ABCC3: variants seen among roughly 807,000 people sequenced by gnomAD.
The protein encoded by ABCC3 is ATP-binding cassette sub-family C member 3.
ABCC3 carries 121 observed loss-of-function variants against 165.3 expected under a neutral mutation model. The observed-to-expected ratio is 0.73, with a 90% CI of 0.63 to 0.85. ABCC3 has a LOEUF of 0.85. Among genes scored for constraint, ABCC3 ranks in the 40% least tolerant of loss-of-function variants. The probability of loss-of-function intolerance (pLI) is 0.00; values close to 1 mark genes in which losing one functional copy is unlikely to be tolerated. For synonymous variants in ABCC3, 733 were observed against 810.1 expected (o/e 0.90, Z 1.62); for missense variants, 1,869 against 1,964.1 (o/e 0.95, Z 0.92).
At chr17:50,652,381 A>G (rs1161819369) in intron 1 of ABCC3, among the ~76,000 whole-genome samples, 76 of 141,934 alleles carry the variant, frequency 5.4e-4, no homozygotes, top group Non-Finnish European at 8.4e-4. Context: ...TTTGAATAAG[A>G]TTCGTGAAGG....
chr17:50,643,922 G>C (rs893703500), intron 1 of ABCC3, among the ~76,000 whole-genome samples: 2 of 152,124 alleles, frequency 1.3e-5, no homozygotes, highest in Non-Finnish European at 2.9e-5. Context: ...AGGTTTGTGG[G>C]CATGAGGCAA....
chr17:50,687,132 C>T (rs1968035941), intron 29 of ABCC3, among the ~76,000 whole-genome samples: 1 of 152,140 alleles, frequency 6.6e-6, no homozygotes, highest in African/African-American at 2.4e-5. Flanking sequence ...TTAGGCTCAG[C>T]AAGATGGCAT....
At chr17:50,664,914 G>T (rs1208345670) in intron 10 of ABCC3, among the ~76,000 whole-genome samples, 1 of 152,080 alleles carries the variant, frequency 6.6e-6, no homozygotes, top group African/African-American at 2.4e-5. Flanking sequence ...TTGCCTTCCT[G>T]TGTGTCTGGA....
At chr17:50,673,772 C>G in intron 19 of ABCC3, 114 bp downstream of exon 19, 2 of 1,076,776 alleles carry the variant, frequency 1.9e-6, no homozygotes, top group Non-Finnish European at 2.7e-6. Context: ...TTCTGGGAAA[C>G]TTGGGCCATC....
chr17:50,651,314 A>G (rs941400821), intron 1 of ABCC3, among the ~76,000 whole-genome samples: 7 of 152,194 alleles, frequency 4.6e-5, no homozygotes, highest in African/African-American at 1.7e-4. Context: ...GCAAAATTTC[A>G]TTTGTATCCC....
At chr17:50,680,801 A>G (rs533904065) in intron 26 of ABCC3, among the ~76,000 whole-genome samples, 1 of 152,282 alleles carries the variant, frequency 6.6e-6, no homozygotes, top group African/African-American at 2.4e-5. Flanking sequence ...GAGGCGGGGC[A>G]CAGTGACTCA....
chr17:50,635,661 C>G lies in ABCC3; in HGVS notation c.45+680C>G, dbSNP rs2054172911. 2.6e-5 allele frequency: 18 copies of G among 694,462 alleles called. No homozygotes were observed. In the South Asian group the frequency reaches 2.7e-4, roughly 10 times the overall value. 43.0% of individuals were successfully genotyped at this position (694,462 alleles called of 1,614,324 possible). A position where few individuals can be genotyped will look rare whatever the true frequency, so the allele number is the denominator to read the frequency against. On this transcript the variant is annotated intron_variant, in intron 1 of 30. Coordinates refer to ENST00000285238, the MANE Select transcript of ABCC3 (RefSeq NM_003786.4). ...CTTCTCACAGATGGAGAAAGGGAGG[C>G]CCAGAGAGAGGAAGGGACTTGCCCA...
intron 27 of ABCC3, 33 bp from the exon 28 acceptor site, chr17:50,683,916 T>A (rs1297485315): frequency 6.2e-7 from 1 of 1,604,420 alleles, no homozygotes; most frequent in Admixed American, 1.7e-5. Flanking sequence ...CCTCTCAGCT[T>A]CCCCCTCAGA....
intron 8 of ABCC3, among the ~76,000 whole-genome samples, chr17:50,661,855 C>G (rs896476109): frequency 6.6e-6 from 1 of 152,108 alleles, no homozygotes; most frequent in Non-Finnish European, 1.5e-5. Context: ...TGGGATGCAG[C>G]AGGAAGCACC....
At chr17:50,683,545 A>G (rs912454470) in intron 26 of ABCC3, 65 bp from the exon 27 acceptor site, 2 of 1,465,550 alleles carry the variant, frequency 1.4e-6, no homozygotes, top group Non-Finnish European at 1.8e-6. Context: ...TGGGGGAGAG[A>G]GACCGAAAGG....
Position 50,675,783 on chromosome 17 carries a change from G to T in ABCC3, c.2859+8G>T. On this transcript the variant is annotated splice_region_variant and intron_variant, in intron 21 of 30. Transcript: ENST00000285238. ...AAAGCAGCCATTGGCACTGTGAGTCGGTGGGGCAAGAGGGGCTGGAGGGGA... is the reference window on the plus strand; with the variant it reads ...AAAGCAGCCATTGGCACTGTGAGTCTGTGGGGCAAGAGGGGCTGGAGGGGA... 1 of 1,576,046 alleles carries T rather than the reference G, an allele frequency of 6.3e-7. No individual in the cohort carries two copies. The highest frequency in any genetic ancestry group is 8.6e-7 in the Non-Finnish European group (1 of 1,160,320).
intron 1 of ABCC3, chr17:50,635,512 C>A (rs959088483): frequency 4.3e-6 from 3 of 702,594 alleles, no homozygotes; most frequent in Admixed American, 4.0e-5. Context: ...CTGCCACCTT[C>A]TTTTCTCTAG....
rs533637475 is a variant in ABCC3, at chr17:50,688,014, G to A, written c.4475+284G>A. Among the ~76,000 whole-genome samples the A allele has an allele frequency of 7.4e-4, 113 of 151,698 alleles. 4 individuals are homozygous for A. In the South Asian group the frequency reaches 0.023, roughly 31 times the overall value. ...CTGTTGCCTAGGCTGGAGTGCAGTG[G>A]CTCACTGCAGCCTCAGCCTCTCGAA... is the stretch of plus-strand genomic sequence containing the variant. On this transcript the variant is annotated intron_variant, in intron 30 of 30. Coordinates refer to ENST00000285238, the MANE Select transcript of ABCC3 (RefSeq NM_003786.4).
intron 19 of ABCC3, 147 bp from the exon 20 acceptor site, chr17:50,675,215 G>A: frequency 1.8e-6 from 1 of 549,146 alleles, no homozygotes; most frequent in East Asian, 3.0e-5. Flanking sequence ...CTTAACCCAA[G>A]TCTTTCTTGT....
chr17:50,686,766 C>G (rs1266961611), intron 29 of ABCC3, among the ~76,000 whole-genome samples: 1 of 152,134 alleles, frequency 6.6e-6, no homozygotes. Context: ...TGAGTTCTAT[C>G]CGGCGGCTTA....
Position 50,667,677 on chromosome 17 carries a change from C to A in ABCC3, c.1555C>A (p.Gln519Lys), listed in dbSNP as rs1417780897. Residue 519 changes from glutamine to lysine, a missense_variant, in exon 12 of 31, where the codon CAG becomes AAG. Coordinates refer to ENST00000285238, the MANE Select transcript of ABCC3 (RefSeq NM_003786.4). Reference protein sequence around the residue: ...SFLKQVEGIRQGELQLLRTAA... With the variant: ...SFLKQVEGIRKGELQLLRTAA... ...CCTGAAGCAGGTGGAGGGCATCAGGCAGGGTGAGCTCCAGCTGCTGCGCAC... is the reference window on the plus strand; with the variant it reads ...CCTGAAGCAGGTGGAGGGCATCAGGAAGGGTGAGCTCCAGCTGCTGCGCAC... The A allele has an allele frequency of 6.2e-7, 1 of 1,614,176 alleles. No individual in the cohort carries two copies. Among genetic ancestry groups the A allele is most frequent in the Admixed American group, 1.7e-5 (1 of 60,024 alleles).
rs11568603 is a variant in ABCC3 at position 50,667,703 on chromosome 17, G to C, written c.1581G>C (p.Thr527=). 1 of 1,614,076 alleles carries C rather than the reference G, an allele frequency of 6.2e-7. No individual in the cohort carries two copies. The highest frequency in any genetic ancestry group is 1.7e-5 in the Admixed American group (1 of 60,020). The part of the protein sequence containing the change: ...IRQGELQLLR[T]AAYLHTTTTF... ...AGGGTGAGCTCCAGCTGCTGCGCAC[G>C]GCGGCCTACCTCCACACCACAACCA... The change falls in exon 12 of 31, where the codon ACG becomes ACC. Residue 527 remains threonine (T), a synonymous_variant. Coordinates refer to ENST00000285238, the MANE Select transcript of ABCC3 (RefSeq NM_003786.4).
rs1597848714 is a variant in ABCC3 at position 50,659,261 on chromosome 17, T to C, written c.699T>C (p.His233=). ...FTKMAIYGYR[H]PLEEKDLWSL... ...GGATGGCCATCTATGGCTACCGGCA[T>C]CCCCTGGAGGAGAAGGACCTCTGGT... Residue 233 remains histidine, a synonymous_variant, in exon 7 of 31, where the codon CAT becomes CAC. Transcript: ENST00000285238. 1 of 1,613,678 alleles carries C rather than the reference T, an allele frequency of 6.2e-7. No homozygotes were observed. The highest frequency in any genetic ancestry group is 1.1e-5 in the South Asian group (1 of 91,062).
In ABCC3 at chr17:50,644,428, T is replaced by C. The variant is rs1966959427; in HGVS notation, c.45+9447T>C. On this transcript the variant is annotated intron_variant, in intron 1 of 30. Coordinates refer to ENST00000285238, the MANE Select transcript of ABCC3 (RefSeq NM_003786.4). The stretch of plus-strand genomic sequence containing the variant: ...AGTTGTTTTCTTAAGATGCTAGAAC[T>C]TGGCCAGGCATGGTGGCTCACCCCT... 3.3e-5 allele frequency among the ~76,000 whole-genome samples: 5 copies of C among 150,964 alleles called. No individual in the cohort carries two copies. The South Asian group carries it at 1.1e-3, about 32-fold the overall frequency.
Sources: allele counts gnomAD v4.1 joint callset (sites outside exome capture counted in the v4.1 genomes callset), GRCh38; gene constraint gnomAD v4.1.1; transcripts MANE v1.5; gene names NCBI Gene and HGNC (gene_info 2026-07-23, HGNC 2026-07-21).